SLC25A32: variants seen among roughly 807,000 people sequenced by gnomAD.
SLC25A32 encodes solute carrier family 25 member 32, also known as Glycine auxotroph B, complementation of hamster.
Under a neutral mutation model 39.0 loss-of-function variants are expected in SLC25A32, and 32 were observed. That is an observed-to-expected ratio of 0.82 (90% CI 0.62 to 1.10). SLC25A32 has a LOEUF of 1.10. Ranked by LOEUF, SLC25A32 falls within the 50% of genes least tolerant of loss-of-function variation. The pLI, the probability that SLC25A32 is intolerant of heterozygous loss-of-function variation, is 0.00. For missense variants in SLC25A32, 367 were observed against 395.3 expected, an observed-to-expected ratio of 0.93 and a Z score of 0.61; for synonymous variants, 166 against 152.4, an observed-to-expected ratio of 1.09 and a Z score of -0.66.
In SLC25A32 at chr8:103,400,449, A is replaced by G; in HGVS notation, c.910T>C (p.Ser304Pro). Reference protein sequence around the residue: ...CITFVVYENVSHFLLDLREKR... With the variant: ...CITFVVYENVPHFLLDLREKR... ...TCTCTAAGGTCAAGTAAAAAATGTG[A>G]GACGTTTTCATATACCACAAAGGTA... The change falls in exon 7 of 7, where the codon TCA becomes CCA. Residue 304 changes from serine to proline, a missense_variant. Physicochemically the swap from Ser to Pro is moderately conservative, Grantham distance 74. Transcript: ENST00000297578. 1 of 1,614,144 alleles carries G rather than the reference A, an allele frequency of 6.2e-7. No individual in the cohort carries two copies.
chr8:103,400,586 A>G (rs1292889322), intron 6 of SLC25A32, 40 bp from the exon 7 acceptor site: 4 of 1,605,138 alleles, frequency 2.5e-6, no homozygotes, highest in Non-Finnish European at 3.4e-6. Context: ...TTTTGTATAG[A>G]GCTAGCTTGA....
intron 1 of SLC25A32, among the ~76,000 whole-genome samples, chr8:103,408,569 G>A (rs1816391741): frequency 6.6e-6 from 1 of 152,026 alleles, no homozygotes; most frequent in Non-Finnish European, 1.5e-5. Context: ...CAGAGGATGG[G>A]GTAAACTTTT....
chr8:103,411,315 G>A (rs1816458357), intron 1 of SLC25A32, among the ~76,000 whole-genome samples: 1 of 151,872 alleles, frequency 6.6e-6, no homozygotes, highest in Non-Finnish European at 1.5e-5. Context: ...TTTCCCATTA[G>A]TATTTAAATA....
Position 103,407,355 on chromosome 8 carries a change from C to T in SLC25A32, c.305+279G>A, listed in dbSNP as rs150433995. Among the ~76,000 whole-genome samples the T allele has an allele frequency of 3.2e-3, 486 of 152,280 alleles. 5 individuals are homozygous for T. The highest frequency in any genetic ancestry group is 0.011 in the African/African-American group (460 of 41,560). On this transcript the variant is annotated intron_variant, in intron 2 of 6. Transcript: ENST00000297578. ...AGTATCATTCCACCTCATCTCTTTG[C>T]CTTTTTCCTATTAAGAATTTTCTTC... is the stretch of plus-strand genomic sequence containing the variant.
At position 103,399,673 on chromosome 8, in the gene SLC25A32, C is replaced by CA. The variant is rs1368340314; in HGVS notation, c.*737dup. 6.6e-6 allele frequency: 1 copy of CA among 152,204 alleles called. No individual in the cohort carries two copies. Among genetic ancestry groups the CA allele is most frequent in the Non-Finnish European group, 1.5e-5 (1 of 68,070 alleles). The allele number at this position is 152,204 out of a possible 1,614,324, so 9.4% of individuals were successfully genotyped here. ...ATCCCAGCACTTTGGGAGGCCAAGG[C>CA]AGGCGGATCACAAGGTCAGGAGATT... On this transcript the variant is annotated 3_prime_UTR_variant, in exon 7 of 7. Coordinates refer to ENST00000297578, the MANE Select transcript of SLC25A32 (RefSeq NM_030780.5).
intron 4 of SLC25A32, 71 bp downstream of exon 4, chr8:103,403,093 A>C: frequency 8.9e-7 from 1 of 1,127,622 alleles, no homozygotes; most frequent in Non-Finnish European, 1.2e-6. Context: ...TAGGTCATTC[A>C]GAACTAAGAC....
intron 3 of SLC25A32, 80 bp downstream of exon 3, chr8:103,404,696 T>G: frequency 3.4e-6 from 3 of 882,868 alleles, no homozygotes; most frequent in Non-Finnish European, 5.5e-6. Context: ...AACTCAGGTG[T>G]TCAAAGAAAA....
chr8:103,401,816 T>C (rs1816224647), intron 5 of SLC25A32, 125 bp downstream of exon 5: 3 of 965,038 alleles, frequency 3.1e-6, no homozygotes, highest in Non-Finnish European at 4.5e-6. Context: ...TAACTATAAA[T>C]TAAATCAGTG....
At chr8:103,406,933 T>TA (rs1816346501) in intron 2 of SLC25A32, among the ~76,000 whole-genome samples, 1 of 152,220 alleles carries the variant, frequency 6.6e-6, no homozygotes, top group Non-Finnish European at 1.5e-5. Flanking sequence ...AAAAATAACT[T>TA]AGTTATTTAA....
chr8:103,414,215 TTTG>T (rs1224246196), intron 1 of SLC25A32, among the ~76,000 whole-genome samples: 6 of 152,358 alleles, frequency 3.9e-5, no homozygotes, highest in Admixed American at 1.3e-4. Flanking sequence ...TCTAAAATGC[TTTG>T]TTAATTTCAA....
intron 1 of SLC25A32, among the ~76,000 whole-genome samples, chr8:103,409,807 T>C (rs1816421872): frequency 6.6e-6 from 1 of 152,218 alleles, no homozygotes; most frequent in South Asian, 2.1e-4. Context: ...TCAGGTTTTG[T>C]CAGAAGACCT....
Position 103,399,238 on chromosome 8 carries a change from A to C in SLC25A32, c.*1173T>G, listed in dbSNP as rs572635794. 7.9e-5 allele frequency: 12 copies of C among 152,324 alleles called. No individual in the cohort carries two copies. Among genetic ancestry groups the C allele is most frequent in the African/African-American group, 2.6e-4 (11 of 41,564 alleles). The allele number at this position is 152,324 out of a possible 1,614,324, so 9.4% of individuals were successfully genotyped here. ...CTGAAGTATAAAGTTTCTCATTTCC[A>C]TTTACCTTGTCAACAAACATATCCC... On this transcript the variant is annotated 3_prime_UTR_variant, in exon 7 of 7. Transcript: ENST00000297578.
chr8:103,404,721 A>C, intron 3 of SLC25A32, 55 bp downstream of exon 3: 1 of 1,336,556 alleles, frequency 7.5e-7, no homozygotes. Flanking sequence ...TCAAAAACCA[A>C]AACTGAAAAT....
intron 6 of SLC25A32, among the ~76,000 whole-genome samples, chr8:103,401,299 C>T (rs1816212936): frequency 7.0e-6 from 1 of 143,080 alleles, no homozygotes; most frequent in Non-Finnish European, 1.5e-5. Flanking sequence ...CTTATAACAA[C>T]CTATTAGTTA....
At chr8:103,412,985 T>TCAC in intron 1 of SLC25A32, among the ~76,000 whole-genome samples, 2 of 152,346 alleles carry the variant, frequency 1.3e-5, no homozygotes. Context: ...TTTCCTCCTA[T>TCAC]CACCATTTCA....
In SLC25A32 at chr8:103,403,308, G is replaced by A. The variant is rs1195228358; in HGVS notation, c.408C>T (p.Cys136=). The change falls in exon 4 of 7, where the codon TGC becomes TGT. Residue 136 remains cysteine, a synonymous_variant. Coordinates refer to ENST00000297578, the MANE Select transcript of SLC25A32 (RefSeq NM_030780.5). Reference sequence around the variant, plus strand: ...TTGTTACCCATAATGGGTTTGTAATGCAGAGGGTCATGGCTCCTAAAATGA... The same window carrying A: ...TTGTTACCCATAATGGGTTTGTAATACAGAGGGTCATGGCTCCTAAAATGA... ...SAAEAGAMTL[C]ITNPLWVTKT... is the part of the protein sequence containing the mutation. The A allele has an allele frequency of 6.2e-7, 1 of 1,608,960 alleles. No individual in the cohort carries two copies. The highest frequency in any genetic ancestry group is 1.3e-5 in the African/African-American group (1 of 74,338).
intron 2 of SLC25A32, among the ~76,000 whole-genome samples, chr8:103,406,159 G>GGT (rs554465286): frequency 2.0e-5 from 3 of 149,488 alleles, no homozygotes; most frequent in Admixed American, 6.7e-5. Flanking sequence ...TGTCAAGGGG[G>GGT]GTGTGTGTGT....
chr8:103,414,932 C>A lies in SLC25A32; in HGVS notation c.6G>T (p.Thr2=). ...ACCCGGACGCCGACTGGCCCTGGCCCGTCATAGGCTCGGGGCCCGTCGACA... is the reference window on the plus strand; with the variant it reads ...ACCCGGACGCCGACTGGCCCTGGCCAGTCATAGGCTCGGGGCCCGTCGACA... M[T]GQGQSASGSS... is the part of the protein sequence containing the mutation. Residue 2 remains threonine (T), a synonymous_variant, in exon 1 of 7, where the codon ACG becomes ACT. Coordinates refer to ENST00000297578, the MANE Select transcript of SLC25A32 (RefSeq NM_030780.5). The A allele has an allele frequency of 8.7e-6, 14 of 1,604,720 alleles. No homozygotes were observed. The highest frequency in any genetic ancestry group is 1.0e-5 in the Non-Finnish European group (12 of 1,176,032).
At chr8:103,412,843 C>T (rs1047404983) in intron 1 of SLC25A32, among the ~76,000 whole-genome samples, 8 of 152,238 alleles carry the variant, frequency 5.3e-5, no homozygotes, top group Non-Finnish European at 1.0e-4. Context: ...TTAACCCCCA[C>T]ACCCTGTCAT....
Sources: allele counts gnomAD v4.1 joint callset (sites outside exome capture counted in the v4.1 genomes callset), GRCh38; gene constraint gnomAD v4.1.1; transcripts MANE v1.5; gene names NCBI Gene and HGNC (gene_info 2026-07-23, HGNC 2026-07-21).